Variants in RPAP3 observed in about 807,000 individuals in gnomAD.
The protein encoded by RPAP3 is RNA polymerase II associated protein 3.
RPAP3 carries 58 observed loss-of-function variants against 88.8 expected under a neutral mutation model. The ratio of observed to expected loss-of-function variants is 0.65; its 90% CI spans 0.53 to 0.81. The LOEUF (loss-of-function observed/expected upper bound fraction) is 0.81. RPAP3 is among the 40% of genes least tolerant of loss of function. The pLI is 0.00. For missense variants in RPAP3, 751 were observed against 764.3 expected (o/e 0.98, Z 0.20); for synonymous variants, 255 against 259.9 (o/e 0.98, Z 0.18).
intron 15 of RPAP3, 69 bp from the exon 16 acceptor site, chr12:47,667,149 C>T (rs1565712391): frequency 4.9e-6 from 3 of 617,266 alleles, no homozygotes; most frequent in African/African-American, 1.9e-5. Context: ...ATTCTGTTTA[C>T]TAACACAATA....
chr12:47,677,756 CAA>C (rs1939145946), intron 12 of RPAP3, among the ~76,000 whole-genome samples: 2 of 152,062 alleles, frequency 1.3e-5, no homozygotes, highest in South Asian at 2.1e-4. Flanking sequence ...AGGACACAAA[CAA>C]ATGGAAGAAT....
chr12:47,684,912 A>T (rs1172910853), intron 9 of RPAP3, among the ~76,000 whole-genome samples: 1 of 152,218 alleles, frequency 6.6e-6, no homozygotes, highest in Admixed American at 6.5e-5. Flanking sequence ...TTAAATATAT[A>T]ATCAGAATTT....
chr12:47,692,780 T>C (rs892607768), intron 5 of RPAP3, among the ~76,000 whole-genome samples: 2 of 152,240 alleles, frequency 1.3e-5, no homozygotes, highest in Admixed American at 6.5e-5. Flanking sequence ...CGACATGCCG[T>C]CCTCACTAAG....
intron 3 of RPAP3, chr12:47,699,991 C>CTTTTTTT (rs34436877): frequency 1.7e-5 from 2 of 119,368 alleles, no homozygotes; most frequent in African/African-American, 6.4e-5. Flanking sequence ...TGGAAATGTT[C>CTTTTTTT]TTTTTTTTTT....
intron 5 of RPAP3, chr12:47,695,887 T>C (rs1939515046): frequency 6.5e-6 from 1 of 153,628 alleles, no homozygotes; most frequent in South Asian, 2.1e-4. Flanking sequence ...GACAAACAAA[T>C]GTTGAAACAT....
chr12:47,679,686 G>T lies in RPAP3; in HGVS notation c.1185+18C>A. 1 of 1,574,808 alleles carries T rather than the reference G, an allele frequency of 6.3e-7. No homozygotes were observed. Among genetic ancestry groups the T allele is most frequent in the Non-Finnish European group, 8.7e-7 (1 of 1,151,046 alleles). ...TTTCAGAAAATATGACCATGTTTGG[G>T]TGAAAAGAATACATTACCTTTTTAA... On this transcript the variant is annotated intron_variant, in intron 11 of 16. Transcript: ENST00000005386.
intron 5 of RPAP3, chr12:47,695,811 G>C (rs902889610): frequency 1.3e-5 from 2 of 152,190 alleles, no homozygotes; most frequent in East Asian, 1.9e-4. Context: ...TTACCTGCAT[G>C]TGATAAGACA....
chr12:47,665,666 A>T (rs1938859215), intron 16 of RPAP3, among the ~76,000 whole-genome samples: 1 of 151,670 alleles, frequency 6.6e-6, no homozygotes, highest in South Asian at 2.1e-4. Flanking sequence ...TTTGAGACAG[A>T]GTCTCACTCT....
intron 16 of RPAP3, among the ~76,000 whole-genome samples, chr12:47,665,351 A>C (rs1938848976): frequency 6.7e-6 from 1 of 149,802 alleles, no homozygotes; most frequent in Non-Finnish European, 1.5e-5. Flanking sequence ...TCTTGACTTC[A>C]GGTGATCCAC....
chr12:47,690,056 G>GA lies in RPAP3; in HGVS notation c.667+461dup, dbSNP rs1007735527. On this transcript the variant is annotated intron_variant, in intron 6 of 16. Transcript: ENST00000005386. ...GACTCTGTCTCAAAAAAAAAAAAAA[G>GA]AAAAAAAAAAACCTAAGCAGCAGCA... 2.1e-3 allele frequency among the ~76,000 whole-genome samples: 256 copies of GA among 119,356 alleles called. 2 individuals are homozygous for GA. Among genetic ancestry groups the GA allele is most frequent in the African/African-American group, 5.7e-3 (202 of 35,314 alleles). 78.3% of individuals were successfully genotyped at this position (119,356 alleles called of 152,430 possible).
chr12:47,669,083 G>A lies in RPAP3; in HGVS notation c.1546C>T (p.Gln516Ter). ...SSLQPQASLK[Q>*]DVCQSYSEKM... ...TCGCTGTAAGACTGACATACATCCT[G>A]CTTCAAACTGGCTTGAGGTCTGAAA... Residue 516 changes from glutamine (Q) to a stop codon, truncating the protein, a stop_gained, in exon 14 of 17, where the codon CAG (glutamine) becomes TAG (stop). Coordinates refer to ENST00000005386, the MANE Select transcript of RPAP3 (RefSeq NM_024604.3). LOFTEE classifies it high-confidence loss of function. 2 of 1,613,076 alleles carry A rather than the reference G, an allele frequency of 1.2e-6. No homozygotes were observed. Among genetic ancestry groups the A allele is most frequent in the Non-Finnish European group, 1.7e-6 (2 of 1,179,262 alleles).
Position 47,663,079 on chromosome 12 carries a change from T to C in RPAP3, c.*426A>G, listed in dbSNP as rs1241922332. The C allele has an allele frequency of 6.5e-6, 1 of 152,924 alleles. No individual in the cohort carries two copies. Among genetic ancestry groups the C allele is most frequent in the Non-Finnish European group, 1.5e-5 (1 of 68,558 alleles). 9.5% of individuals were successfully genotyped at this position (152,924 alleles called of 1,614,324 possible). ...GTTAGTGAATTGGCACAATAACATT[T>C]AAAAGTTTTATAAAGAAAGGATCTC... On this transcript the variant is annotated 3_prime_UTR_variant, in exon 17 of 17. Transcript: ENST00000005386.
chr12:47,702,507 T>C (rs1257914891), intron 2 of RPAP3, among the ~76,000 whole-genome samples, 181 bp downstream of exon 2: 2 of 151,990 alleles, frequency 1.3e-5, no homozygotes, highest in Non-Finnish European at 2.9e-5. Flanking sequence ...TGAGCCGAGA[T>C]CGCGCCACTG....
intron 9 of RPAP3, among the ~76,000 whole-genome samples, chr12:47,682,744 C>A (rs545647966): frequency 1.4e-4 from 21 of 151,270 alleles, no homozygotes; most frequent in Admixed American, 2.6e-4. Context: ...GTCATCTTGC[C>A]CTCAAAACAA....
chr12:47,705,174 A>C (rs1019434297), intron 1 of RPAP3, among the ~76,000 whole-genome samples: 15 of 152,196 alleles, frequency 9.9e-5, no homozygotes, highest in Admixed American at 8.5e-4. Flanking sequence ...GAAGAGTCAA[A>C]GCTTTAGGCG....
chr12:47,699,779 A>G (rs116949241), intron 3 of RPAP3: 1 of 152,150 alleles, frequency 6.6e-6, no homozygotes, highest in Non-Finnish European at 1.5e-5. Context: ...CATCCACACA[A>G]TGGAATTCTG....
intron 13 of RPAP3, among the ~76,000 whole-genome samples, chr12:47,669,624 C>T (rs1938955585): frequency 6.6e-6 from 1 of 152,174 alleles, no homozygotes; most frequent in Admixed American, 6.5e-5. Context: ...GGTTTCCATA[C>T]CTCAAAATGA....
In RPAP3 at chr12:47,685,375, T is replaced by C. The variant is rs952536769; in HGVS notation, c.992+1405A>G. Reference sequence around the variant, plus strand: ...GCCTGGGTGACAGAGGGGGACTCTGTCTCAAAAAAAAAAAAAAAATCAGAT... The same window carrying C: ...GCCTGGGTGACAGAGGGGGACTCTGCCTCAAAAAAAAAAAAAAAATCAGAT... On this transcript the variant is annotated intron_variant, in intron 9 of 16. Transcript: ENST00000005386. Among the ~76,000 whole-genome samples, 4 of 102,388 alleles carry C rather than the reference T, an allele frequency of 3.9e-5. No homozygotes were observed. In the East Asian group the frequency reaches 9.6e-4, roughly 25 times the overall value. The allele number at this position is 102,388 out of a possible 152,430, so 67.2% of individuals were successfully genotyped here.
chr12:47,663,259 C>CA lies in RPAP3; in HGVS notation c.*245dup, dbSNP rs1938795742. 3.4e-6 allele frequency: 1 copy of CA among 296,938 alleles called. No homozygotes were observed. The allele number at this position is 296,938 out of a possible 1,614,324, so 18.4% of individuals were successfully genotyped here. A position where few individuals can be genotyped will look rare whatever the true frequency, so the allele number is the denominator to read the frequency against. ...TCTAAATTTAACATTTAAAATGACT[C>CA]ATAAAATAAAATGCTGATCCTTACA... is the stretch of plus-strand genomic sequence containing the variant. On this transcript the variant is annotated 3_prime_UTR_variant, in exon 17 of 17. Transcript: ENST00000005386.
Sources: gnomAD v4.1 joint callset for allele counts (sites outside exome capture counted in the v4.1 genomes callset) on GRCh38, gnomAD v4.1.1 for gene constraint, MANE v1.5 for transcripts, NCBI Gene and HGNC (gene_info 2026-07-23, HGNC 2026-07-21) for gene names.